The following RBM20 variants were observed in gnomAD, a reference collection of about 807,000 sequenced individuals.
RBM20 encodes RNA binding motif protein 20, also known as RNA-binding protein 20.
A neutral mutation model predicts 110.1 loss-of-function variants in RBM20; 51 were observed. That is an observed-to-expected ratio of 0.46 (90% CI 0.37 to 0.59). The LOEUF (loss-of-function observed/expected upper bound fraction) is 0.59, where lower values mean the gene tolerates loss of function less well. RBM20 is among the 20% of genes least tolerant of loss of function. The probability of loss-of-function intolerance (pLI) is 0.00; values close to 1 mark genes in which losing one functional copy is unlikely to be tolerated. For synonymous variants in RBM20, 589 were observed against 618.2 expected (o/e 0.95, Z 0.70); for missense variants, 1,512 against 1,574.9 (o/e 0.96, Z 0.68).
At chr10:110,701,850 G>A (rs1862762275) in intron 1 of RBM20, among the ~76,000 whole-genome samples, 2 of 152,210 alleles carry the variant, frequency 1.3e-5, no homozygotes. Context: ...CACTGGCCAG[G>A]ATCTGTAAGA....
intron 5 of RBM20, 58 bp downstream of exon 5, chr10:110,784,947 T>C: frequency 8.5e-7 from 1 of 1,179,648 alleles, no homozygotes; most frequent in Non-Finnish European, 1.2e-6. Context: ...GTTTATTTAT[T>C]TGTTTGTTTA....
At position 110,833,916 on chromosome 10, in the gene RBM20, C is replaced by T. The variant is rs554175590; in HGVS notation, c.3574-1952C>T. ...ATGCCTCTGTCCACACAGCCTCCCC[C>T]ACCCCAAGCAGCAGGTAATGGCTGA... On this transcript the variant is annotated intron_variant, in intron 13 of 13. Transcript: ENST00000369519. 3.2e-4 allele frequency among the ~76,000 whole-genome samples: 48 copies of T among 152,346 alleles called. 1 individual carries two copies. The highest frequency in any genetic ancestry group is 1.3e-4 in the Admixed American group (2 of 15,310).
chr10:110,719,275 AAC>A (rs1490426224), intron 1 of RBM20, among the ~76,000 whole-genome samples: 1 of 152,270 alleles, frequency 6.6e-6, no homozygotes, highest in Admixed American at 6.5e-5. Context: ...TGAAAATGAA[AAC>A]ACATGAGATT....
chr10:110,774,267 A>T (rs1015046717), intron 1 of RBM20, among the ~76,000 whole-genome samples: 5 of 152,232 alleles, frequency 3.3e-5, no homozygotes, highest in Admixed American at 3.3e-4. Flanking sequence ...AAGAGAGATG[A>T]TAGGATTATA....
rs727505095 is a variant in RBM20, at chr10:110,784,859, C to T, written c.1497C>T (p.Pro499=). 1.7e-5 allele frequency: 26 copies of T among 1,550,332 alleles called. No homozygotes were observed. In the African/African-American group the frequency reaches 2.7e-4, roughly 16 times the overall value. The change falls in exon 5 of 14, where the codon CCC becomes CCT. Residue 499 remains proline (P), a synonymous_variant. Transcript: ENST00000369519. ...IPARSFTQSS[P]TFPLASVGTT... Reference sequence around the variant, plus strand: ...CAAGGTCATTCACTCAGTCAAGCCCCACATTTCCTTTGGCTTCTGTGGGGA... The same window carrying T: ...CAAGGTCATTCACTCAGTCAAGCCCTACATTTCCTTTGGCTTCTGTGGGGA...
rs1443785371 is a variant in RBM20, at chr10:110,837,759, A to T, written c.*1781A>T. ...AACCTGAAAGCACGCAGTCATTGGC[A>T]AGGGACAGGCTCATGGGAGCTGGTG... On this transcript the variant is annotated 3_prime_UTR_variant, in exon 14 of 14. Coordinates refer to ENST00000369519, the MANE Select transcript of RBM20 (RefSeq NM_001134363.3). The T allele has an allele frequency of 1.3e-5, 2 of 152,254 alleles. No homozygotes were observed. Among genetic ancestry groups the T allele is most frequent in the Admixed American group, 1.3e-4 (2 of 15,280 alleles). 9.4% of individuals were successfully genotyped at this position (152,254 alleles called of 1,614,324 possible). A position where few individuals can be genotyped will look rare whatever the true frequency, so the allele number is the denominator to read the frequency against.
intron 1 of RBM20, among the ~76,000 whole-genome samples, chr10:110,762,258 G>T (rs747840719): frequency 6.6e-6 from 1 of 152,094 alleles, no homozygotes; most frequent in African/African-American, 2.4e-5. Flanking sequence ...TGTGAAGCAG[G>T]TAGCATAATT....
chr10:110,775,277 T>C (rs1374406532), intron 1 of RBM20, among the ~76,000 whole-genome samples: 1 of 152,238 alleles, frequency 6.6e-6, no homozygotes, highest in Non-Finnish European at 1.5e-5. Context: ...AAATGGCGCA[T>C]TCACCACTCA....
At chr10:110,759,869 T>C (rs149134274) in intron 1 of RBM20, among the ~76,000 whole-genome samples, 1 of 152,302 alleles carries the variant, frequency 6.6e-6, no homozygotes, top group East Asian at 1.9e-4. Flanking sequence ...CCCTGAAAGG[T>C]GTAAGAAACA....
chr10:110,756,145 A>G (rs1843918154), intron 1 of RBM20, among the ~76,000 whole-genome samples: 1 of 152,186 alleles, frequency 6.6e-6, no homozygotes, highest in Admixed American at 6.5e-5. Flanking sequence ...CAACATCACG[A>G]TTTAGCCAGT....
intron 1 of RBM20, among the ~76,000 whole-genome samples, chr10:110,670,852 AT>A (rs1451622503): frequency 1.3e-5 from 2 of 152,042 alleles, no homozygotes; most frequent in African/African-American, 4.8e-5. Flanking sequence ...TCAGATTGTT[AT>A]TTTTCTCTTT....
At chr10:110,732,660 C>G (rs114472075) in intron 1 of RBM20, among the ~76,000 whole-genome samples, 1 of 152,162 alleles carries the variant, frequency 6.6e-6, no homozygotes, top group South Asian at 2.1e-4. Context: ...CTGCCCTTGC[C>G]GTTCACACGC....
At chr10:110,675,465 A>G (rs552837077) in intron 1 of RBM20, among the ~76,000 whole-genome samples, 3 of 152,284 alleles carry the variant, frequency 2.0e-5, no homozygotes, top group East Asian at 3.9e-4. Flanking sequence ...TTAATCCCCA[A>G]ACAACCTTAT....
intron 1 of RBM20, among the ~76,000 whole-genome samples, chr10:110,661,116 A>G (rs1220816893): frequency 6.6e-6 from 1 of 152,198 alleles, no homozygotes; most frequent in African/African-American, 2.4e-5. Flanking sequence ...GACTAAGTGA[A>G]CTATAGGTAA....
chr10:110,675,045 A>T (rs1226468963), intron 1 of RBM20, among the ~76,000 whole-genome samples: 2 of 152,166 alleles, frequency 1.3e-5, no homozygotes, highest in Non-Finnish European at 2.9e-5. Context: ...ATTGCTGATG[A>T]TGCTCTAAAT....
chr10:110,779,098 G>C (rs1844304558), intron 1 of RBM20, among the ~76,000 whole-genome samples: 1 of 152,192 alleles, frequency 6.6e-6, no homozygotes, highest in African/African-American at 2.4e-5. Context: ...AAAAGTCTTT[G>C]GAATCGGATA....
intron 1 of RBM20, among the ~76,000 whole-genome samples, chr10:110,742,220 C>T (rs140075790): frequency 1.2e-4 from 19 of 152,342 alleles, no homozygotes; most frequent in African/African-American, 4.6e-4. Flanking sequence ...TTTCTATCTA[C>T]ACCTCCTCAT....
At chr10:110,765,745 C>T (rs532006668) in intron 1 of RBM20, among the ~76,000 whole-genome samples, 2 of 152,012 alleles carry the variant, frequency 1.3e-5, no homozygotes, top group South Asian at 2.1e-4. Context: ...ACGGCATGGA[C>T]GGGGTGTCTT....
chr10:110,711,329 CAAAAA>C (rs1157753270), intron 1 of RBM20, among the ~76,000 whole-genome samples: 4 of 28,404 alleles, frequency 1.4e-4, no homozygotes, highest in Admixed American at 6.2e-4. Flanking sequence ...GACTCCATCT[CAAAAA>C]AAAAAAAAAA....
Sources: allele counts gnomAD v4.1 joint callset (sites outside exome capture counted in the v4.1 genomes callset), GRCh38; gene constraint gnomAD v4.1.1; transcripts MANE v1.5; gene names NCBI Gene and HGNC (gene_info 2026-07-23, HGNC 2026-07-21).